KCNQ2: variants seen among roughly 807,000 people sequenced by gnomAD.
KCNQ2 encodes the protein potassium voltage-gated channel subfamily KQT member 2.
A neutral mutation model predicts 84.8 loss-of-function variants in KCNQ2; 14 were observed. The observed-to-expected ratio is 0.17, with a 90% CI of 0.11 to 0.26. The LOEUF (loss-of-function observed/expected upper bound fraction) is 0.26. Among genes scored for constraint, KCNQ2 ranks in the 10% least tolerant of loss-of-function variants. The pLI, the probability that KCNQ2 is intolerant of heterozygous loss-of-function variation, is 1.00. For missense variants in KCNQ2, 788 were observed against 1,254.0 expected (o/e 0.63, Z 5.61); for synonymous variants, 599 against 554.1 (o/e 1.08, Z -1.14).
intron 8 of KCNQ2, among the ~76,000 whole-genome samples, chr20:63,432,524 G>C (rs1387856191): frequency 1.3e-4 from 18 of 141,334 alleles, no homozygotes; most frequent in Middle Eastern, 4.1e-3. Context: ...CCACCCACAG[G>C]GAAGGCTCCA....
At chr20:63,458,063 G>A (rs1456871191) in intron 1 of KCNQ2, among the ~76,000 whole-genome samples, 1 of 152,112 alleles carries the variant, frequency 6.6e-6, no homozygotes, top group Non-Finnish European at 1.5e-5. Flanking sequence ...GCCCAGCCCA[G>A]CCCCATGCAG....
intron 1 of KCNQ2, among the ~76,000 whole-genome samples, chr20:63,456,939 G>A (rs1395883988): frequency 6.6e-6 from 1 of 152,164 alleles, no homozygotes; most frequent in African/African-American, 2.4e-5. Flanking sequence ...CGTGAGGCCG[G>A]AGTGGGCACC....
chr20:63,470,097 C>T (rs1481305456), intron 1 of KCNQ2, among the ~76,000 whole-genome samples: 1 of 152,240 alleles, frequency 6.6e-6, no homozygotes, highest in Non-Finnish European at 1.5e-5. Context: ...GAGACCAGCC[C>T]CCAGTGTCCA....
At chr20:63,431,288 A>G (rs2080778806) in intron 9 of KCNQ2, 52 bp downstream of exon 9, 4 of 1,602,570 alleles carry the variant, frequency 2.5e-6, no homozygotes, top group Non-Finnish European at 3.4e-6. Flanking sequence ...AGTTCCAGAC[A>G]CAGAACTAGA....
At chr20:63,419,583 A>AGCAGCCGTCAGTCCGTGCG in intron 12 of KCNQ2, 36 bp downstream of exon 12, 1 of 1,591,496 alleles carries the variant, frequency 6.3e-7, no homozygotes, top group Non-Finnish European at 8.5e-7. Flanking sequence ...GGAGCCGTGC[A>AGCAGCCGTCAGTCCGTGCG]GCAGCCGTCA....
intron 15 of KCNQ2, chr20:63,410,130 G>C: frequency 5.0e-6 from 1 of 198,862 alleles, no homozygotes; most frequent in South Asian, 7.2e-5. Flanking sequence ...GGGACGGCGG[G>C]AGGGGACCCT....
rs370862043 is a variant in KCNQ2, at chr20:63,471,915, A to C, written c.296+253T>G. ...CTGAGGAGGGGGCTGGGGCGGCCGCACGTCTCTGTCCTGCGGGCCTGGAGC... is the reference window on the plus strand; with the variant it reads ...CTGAGGAGGGGGCTGGGGCGGCCGCCCGTCTCTGTCCTGCGGGCCTGGAGC... On this transcript the variant is annotated intron_variant, in intron 1 of 16. Transcript: ENST00000359125. 0.013 allele frequency among the ~76,000 whole-genome samples: 2,000 copies of C among 152,166 alleles called. 36 individuals are homozygous for C. Among genetic ancestry groups the C allele is most frequent in the African/African-American group, 0.042 (1,743 of 41,534 alleles).
At chr20:63,409,906 G>T (rs1234031804) in intron 15 of KCNQ2, 1 of 126,828 alleles carries the variant, frequency 7.9e-6, no homozygotes, top group Non-Finnish European at 1.7e-5. Context: ...CTGCCACTGG[G>T]CTGCCCTACC....
At chr20:63,426,354 T>C (rs1251547369) in intron 10 of KCNQ2, among the ~76,000 whole-genome samples, 1 of 152,240 alleles carries the variant, frequency 6.6e-6, no homozygotes, top group Non-Finnish European at 1.5e-5. Flanking sequence ...AGCATGAGGC[T>C]GTCTGGCCAC....
Position 63,444,843 on chromosome 20 carries a change from C to T in KCNQ2, c.515-9G>A, listed in dbSNP as rs755243604. 3.7e-5 allele frequency: 58 copies of T among 1,584,118 alleles called. No homozygotes were observed. In the Admixed American group the frequency reaches 7.8e-4, roughly 21 times the overall value. Reference sequence around the variant, plus strand: ...GATGAGCACCATGATGTCTACAAAGCGGGCGTGGAGCTGGTGAGCTGCTGG... The same window carrying T: ...GATGAGCACCATGATGTCTACAAAGTGGGCGTGGAGCTGGTGAGCTGCTGG... On this transcript the variant is annotated splice_polypyrimidine_tract_variant and intron_variant, in intron 3 of 16. Transcript: ENST00000359125.
Position 63,407,313 on chromosome 20 carries a change from G to A in KCNQ2, c.1950C>T (p.Ile650=), listed in dbSNP as rs772067813. The change falls in exon 17 of 17, where the codon ATC becomes ATT. Residue 650 remains isoleucine (I), a synonymous_variant. Coordinates refer to ENST00000359125, the MANE Select transcript of KCNQ2 (RefSeq NM_172107.4). This position sits in a 1 kb window ranked among gnomAD's most constrained non-coding sequence, Gnocchi z 7.2. The part of the protein sequence containing the change: ...LVNIYMQRMG[I]PPTETEAYFG... Reference sequence around the variant, plus strand: ...AGTAGGCCTCGGTCTCTGTCGGGGGGATGCCCATCCGCTGCATGTAGATAT... The same window carrying A: ...AGTAGGCCTCGGTCTCTGTCGGGGGAATGCCCATCCGCTGCATGTAGATAT... 1.9e-6 allele frequency: 3 copies of A among 1,596,534 alleles called. No individual in the cohort carries two copies. The highest frequency in any genetic ancestry group is 4.5e-5 in the East Asian group (2 of 44,780).
chr20:63,437,957 A>C (rs545948104), intron 7 of KCNQ2, among the ~76,000 whole-genome samples: 25 of 152,184 alleles, frequency 1.6e-4, no homozygotes, highest in East Asian at 1.6e-3. Context: ...TTACAGACGC[A>C]CGCCACCACG....
intron 1 of KCNQ2, among the ~76,000 whole-genome samples, chr20:63,458,680 C>G (rs2081870183): frequency 6.6e-6 from 1 of 152,198 alleles, no homozygotes; most frequent in African/African-American, 2.4e-5. Context: ...TCTGCTCAGA[C>G]AGTGGCCCCA....
chr20:63,430,092 G>A (rs972898852), intron 9 of KCNQ2, among the ~76,000 whole-genome samples: 9 of 152,350 alleles, frequency 5.9e-5, no homozygotes, highest in African/African-American at 1.9e-4. Flanking sequence ...CGCAGGCCCA[G>A]GTGAGAGACA....
chr20:63,463,167 C>A (rs1478691784), intron 1 of KCNQ2, among the ~76,000 whole-genome samples: 1 of 152,048 alleles, frequency 6.6e-6, no homozygotes, highest in Non-Finnish European at 1.5e-5. Context: ...GAGGTCAAGG[C>A]AGGAGGATCG....
chr20:63,455,790 G>C (rs111472663), intron 1 of KCNQ2, among the ~76,000 whole-genome samples: 131 of 107,704 alleles, frequency 1.2e-3, no homozygotes, highest in South Asian at 3.4e-3. Flanking sequence ...GGAGACCCCT[G>C]TGCTCACGGA....
At chr20:63,419,422 G>C (rs759622718) in intron 12 of KCNQ2, among the ~76,000 whole-genome samples, 197 bp downstream of exon 12, 4 of 152,244 alleles carry the variant, frequency 2.6e-5, no homozygotes, top group Non-Finnish European at 5.9e-5. Context: ...GCAAGAAGAA[G>C]CACCTTCCCC....
chr20:63,440,329 G>C (rs752680148), intron 5 of KCNQ2, among the ~76,000 whole-genome samples: 6 of 152,172 alleles, frequency 3.9e-5, no homozygotes, highest in Non-Finnish European at 8.8e-5. Flanking sequence ...CCGACTCGGG[G>C]CCTGGATGAG....
chr20:63,405,349 C>T lies in KCNQ2; in HGVS notation c.*1295G>A, dbSNP rs924693124. 2.0e-5 allele frequency: 3 copies of T among 152,276 alleles called. No individual in the cohort carries two copies. The highest frequency in any genetic ancestry group is 2.1e-4 in the South Asian group (1 of 4,838). The allele number at this position is 152,276 out of a possible 1,614,324, so 9.4% of individuals were successfully genotyped here. A position where few individuals can be genotyped will look rare whatever the true frequency, so the allele number is the denominator to read the frequency against. The stretch of plus-strand genomic sequence containing the variant: ...AAGTCTGGAGCTAGGGACTCGCTCC[C>T]GCATTAGAGCCGCCTGCCCCAAGGG... On this transcript the variant is annotated 3_prime_UTR_variant, in exon 17 of 17. Coordinates refer to ENST00000359125, the MANE Select transcript of KCNQ2 (RefSeq NM_172107.4).
Sources: allele counts gnomAD v4.1 joint callset (sites outside exome capture counted in the v4.1 genomes callset), GRCh38; gene constraint gnomAD v4.1.1; non-coding constraint Gnocchi (gnomAD v3.1); transcripts MANE v1.5; gene names NCBI Gene and HGNC (gene_info 2026-07-23, HGNC 2026-07-21).